DACH2: variants seen among roughly 807,000 people sequenced by gnomAD.
DACH2 encodes dachshund homolog 2.
DACH2 carries 17 observed loss-of-function variants against 35.8 expected under a neutral mutation model. The observed-to-expected ratio is 0.48, with a 90% confidence interval of 0.33 to 0.71. The LOEUF is 0.71. DACH2 is among the 30% of genes least tolerant of loss of function. The pLI is 0.02. For synonymous variants in DACH2, 195 were observed against 177.3 expected (o/e 1.10, Z -0.79); for missense variants, 469 against 472.7 (o/e 0.99, Z 0.07).
At chrX:86,801,658 A>G (rs2042295394) in intron 7 of DACH2, among the ~76,000 whole-genome samples, 1 of 112,234 alleles carries the variant, frequency 8.9e-6, no homozygotes, top group Non-Finnish European at 1.9e-5. Flanking sequence ...GAAAGAGTTT[A>G]TAGGAGGTGA....
chrX:86,538,548 A>G (rs1341632217), intron 3 of DACH2, among the ~76,000 whole-genome samples: 1 of 112,150 alleles, frequency 8.9e-6, no homozygotes, highest in African/African-American at 3.2e-5. Context: ...TTATTAGCTC[A>G]CAGTTCTGGA....
intron 3 of DACH2, among the ~76,000 whole-genome samples, chrX:86,648,856 A>G (rs1471111054): frequency 1.8e-5 from 2 of 111,177 alleles, no homozygotes; most frequent in Non-Finnish European, 3.8e-5. Flanking sequence ...TATAGGCTAT[A>G]CCTCTAAACT....
intron 2 of DACH2, among the ~76,000 whole-genome samples, chrX:86,424,166 C>G (rs764886654): frequency 9.1e-6 from 1 of 109,944 alleles, no homozygotes; most frequent in Non-Finnish European, 1.9e-5. Flanking sequence ...TTTGGCTATT[C>G]TGGATCTTTT....
intron 3 of DACH2, among the ~76,000 whole-genome samples, chrX:86,589,799 T>A (rs1035433319): frequency 4.5e-5 from 5 of 111,913 alleles, no homozygotes; most frequent in Non-Finnish European, 9.4e-5. Flanking sequence ...TGTAGCATTT[T>A]AGCCTGCGTT....
intron 3 of DACH2, among the ~76,000 whole-genome samples, chrX:86,544,334 A>G (rs1429179026): frequency 2.7e-5 from 3 of 111,123 alleles, no homozygotes; most frequent in Non-Finnish European, 5.7e-5. Flanking sequence ...CCTAAGACAT[A>G]TAGTCATCAG....
chrX:86,775,150 G>A lies in DACH2; in HGVS notation c.1240+35268G>A, dbSNP rs144535181. Reference sequence around the variant, plus strand: ...AAGGCAATTGATGCTTTAAGAGTAGGCGCAATGGACTGTGTAGTCTCGAAG... The same window carrying A: ...AAGGCAATTGATGCTTTAAGAGTAGACGCAATGGACTGTGTAGTCTCGAAG... On this transcript the variant is annotated intron_variant, in intron 7 of 11. Coordinates refer to ENST00000373125, the MANE Select transcript of DACH2 (RefSeq NM_053281.3). Among the ~76,000 whole-genome samples, 572 of 111,836 alleles carry A rather than the reference G, an allele frequency of 5.1e-3. 1 individual carries two copies. The highest frequency in any genetic ancestry group is 0.018 in the African/African-American group (549 of 30,813).
intron 2 of DACH2, among the ~76,000 whole-genome samples, chrX:86,391,906 C>G (rs752053906): frequency 1.4e-4 from 15 of 111,060 alleles, no homozygotes; most frequent in Non-Finnish European, 2.1e-4. Context: ...GTGGGTAAAT[C>G]ACACAATGGA....
intron 1 of DACH2, among the ~76,000 whole-genome samples, chrX:86,345,827 G>A (rs1204740145): frequency 1.8e-5 from 2 of 111,384 alleles, no homozygotes; most frequent in South Asian, 3.8e-4. Flanking sequence ...TTTGCTCTGA[G>A]TAACATTTAG....
chrX:86,687,387 A>G (rs1012467771), intron 4 of DACH2, among the ~76,000 whole-genome samples: 1 of 111,602 alleles, frequency 9.0e-6, no homozygotes, highest in African/African-American at 3.3e-5. Flanking sequence ...AAAAGTAAGG[A>G]AACAACAGAT....
At chrX:86,281,508 A>T (rs2034027554) in intron 1 of DACH2, among the ~76,000 whole-genome samples, 2 of 111,734 alleles carry the variant, frequency 1.8e-5, no homozygotes, top group African/African-American at 6.5e-5. Context: ...TCTCAAAATA[A>T]TGAGAACTAT....
At chrX:86,545,276 T>C (rs1164494040) in intron 3 of DACH2, among the ~76,000 whole-genome samples, 1 of 111,825 alleles carries the variant, frequency 8.9e-6, no homozygotes. Context: ...TTGGTGACCA[T>C]TACCTTAAGC....
intron 1 of DACH2, among the ~76,000 whole-genome samples, chrX:86,245,854 C>T (rs2033271163): frequency 9.0e-6 from 1 of 111,564 alleles, no homozygotes; most frequent in Non-Finnish European, 1.9e-5. Context: ...ATATAGAATT[C>T]AGAATCTGGA....
chrX:86,630,906 C>A (rs1376722744), intron 3 of DACH2, among the ~76,000 whole-genome samples: 2 of 111,507 alleles, frequency 1.8e-5, no homozygotes, highest in African/African-American at 6.5e-5. Context: ...CATCCTCCAA[C>A]TGTTGTTTTG....
At chrX:86,489,278 T>G (rs756046620) in intron 2 of DACH2, among the ~76,000 whole-genome samples, 90 of 110,648 alleles carry the variant, frequency 8.1e-4, no homozygotes, top group Non-Finnish European at 1.3e-3. Context: ...AATAATTGAT[T>G]GATGACATAG....
intron 1 of DACH2, among the ~76,000 whole-genome samples, chrX:86,166,906 A>G (rs772577808): frequency 8.4e-4 from 94 of 111,837 alleles, no homozygotes; most frequent in Non-Finnish European, 7.0e-4. Context: ...CATCCCAGCG[A>G]TAAATCCCAT....
At chrX:86,210,456 A>T (rs1170062231) in intron 1 of DACH2, among the ~76,000 whole-genome samples, 1 of 111,722 alleles carries the variant, frequency 9.0e-6, no homozygotes, top group Non-Finnish European at 1.9e-5. Context: ...TTTAATTTTT[A>T]AAAAAATCTC....
At chrX:86,400,298 A>C (rs1211236004) in intron 2 of DACH2, among the ~76,000 whole-genome samples, 1 of 110,248 alleles carries the variant, frequency 9.1e-6, no homozygotes, top group Non-Finnish European at 1.9e-5. Flanking sequence ...TTTTTTTCAA[A>C]GTTTTTAACT....
chrX:86,286,055 G>A (rs2034137947), intron 1 of DACH2, among the ~76,000 whole-genome samples: 1 of 107,645 alleles, frequency 9.3e-6, no homozygotes, highest in Admixed American at 9.9e-5. Flanking sequence ...TATAGGTGAA[G>A]TGTGTTTCTT....
intron 2 of DACH2, among the ~76,000 whole-genome samples, chrX:86,407,314 T>A (rs1256080832): frequency 8.9e-6 from 1 of 112,015 alleles, no homozygotes; most frequent in Non-Finnish European, 1.9e-5. Context: ...TAGAAAAGGA[T>A]ACTAATATTA....
Sources: gnomAD v4.1 joint callset for allele counts (sites outside exome capture counted in the v4.1 genomes callset) on GRCh38, gnomAD v4.1.1 for gene constraint, MANE v1.5 for transcripts, NCBI Gene and HGNC (gene_info 2026-07-23, HGNC 2026-07-21) for gene names.